Variants in STXBP5L observed in about 807,000 individuals in gnomAD.
STXBP5L encodes syntaxin-binding protein 5-like.
In STXBP5L, 65 loss-of-function variants were observed where a neutral mutation model predicts 144.5. The ratio of observed to expected loss-of-function variants is 0.45; its 90% CI spans 0.37 to 0.55. STXBP5L has a LOEUF of 0.55. Ranked by LOEUF, STXBP5L falls within the 20% of genes least tolerant of loss-of-function variation. The pLI is 0.00. For missense variants in STXBP5L, 1,298 were observed against 1,405.5 expected, an observed-to-expected ratio of 0.92 and a Z score of 1.22; for synonymous variants, 505 against 469.6, an observed-to-expected ratio of 1.08 and a Z score of -0.97.
chr3:121,407,315 C>G lies in STXBP5L; in HGVS notation c.2660C>G (p.Pro887Arg). 1 of 1,611,888 alleles carries G rather than the reference C, an allele frequency of 6.2e-7. No individual in the cohort carries two copies. Among genetic ancestry groups the G allele is most frequent in the Non-Finnish European group, 8.5e-7 (1 of 1,178,918 alleles). ...CMDRMGGLMQPPYEVWRDPNN... is the reference protein window; with the variant it reads ...CMDRMGGLMQRPYEVWRDPNN... Reference sequence around the variant, plus strand: ...GACCGAATGGGTGGATTAATGCAACCGCCATATGAAGTTTGGAGGGATCCA... The same window carrying G: ...GACCGAATGGGTGGATTAATGCAACGGCCATATGAAGTTTGGAGGGATCCA... The change falls in exon 23 of 27, where the codon CCG becomes CGG. Residue 887 changes from proline (P) to arginine (R), a missense_variant. Coordinates refer to ENST00000471454, the MANE Select transcript of STXBP5L (RefSeq NM_001308330.2).
chr3:121,181,533 AG>A (rs1347424071), intron 9 of STXBP5L, among the ~76,000 whole-genome samples: 1 of 152,206 alleles, frequency 6.6e-6, no homozygotes, highest in Non-Finnish European at 1.5e-5. Context: ...CAGGAGTTCA[AG>A]ACCAACCTGG....
intron 7 of STXBP5L, among the ~76,000 whole-genome samples, chr3:121,127,554 C>T (rs888238345): frequency 2.0e-5 from 3 of 151,608 alleles, no homozygotes; most frequent in African/African-American, 7.3e-5. Context: ...ATGTCTTCTC[C>T]TCTTTTTATA....
chr3:121,015,976 A>C (rs1457893905), intron 3 of STXBP5L, among the ~76,000 whole-genome samples: 1 of 152,206 alleles, frequency 6.6e-6, no homozygotes, highest in Non-Finnish European at 1.5e-5. Context: ...ACCAGTCTTC[A>C]TATAATAACA....
chr3:121,222,943 C>T, intron 10 of STXBP5L, 60 bp from the exon 11 acceptor site: 1 of 1,529,022 alleles, frequency 6.5e-7, no homozygotes, highest in South Asian at 1.3e-5. Context: ...AGGTTCAGTC[C>T]TGTGACTTTG....
intron 3 of STXBP5L, among the ~76,000 whole-genome samples, chr3:121,037,746 C>T (rs1280278828): frequency 1.3e-5 from 2 of 151,872 alleles, no homozygotes; most frequent in Admixed American, 6.6e-5. Flanking sequence ...TTATTTTTTC[C>T]TCTAAATGTG....
intron 3 of STXBP5L, among the ~76,000 whole-genome samples, chr3:121,022,050 A>G (rs115583904): frequency 0.036 from 5,410 of 152,240 alleles, 146 homozygotes; most frequent in Middle Eastern, 0.082. Context: ...AAGAGAGAAG[A>G]TCCAAATAAA....
intron 3 of STXBP5L, among the ~76,000 whole-genome samples, chr3:120,979,173 G>A (rs1220584603): frequency 6.6e-6 from 1 of 152,226 alleles, no homozygotes; most frequent in Non-Finnish European, 1.5e-5. Flanking sequence ...AGGCAGGCAG[G>A]CCTCCTTGAG....
At chr3:121,339,634 C>T (rs1011942000) in intron 20 of STXBP5L, among the ~76,000 whole-genome samples, 10 of 151,888 alleles carry the variant, frequency 6.6e-5, no homozygotes, top group East Asian at 3.9e-4. Flanking sequence ...TATTTGCCGA[C>T]GATATGATTG....
intron 5 of STXBP5L, among the ~76,000 whole-genome samples, chr3:121,060,154 C>T (rs2041194184): frequency 6.6e-6 from 1 of 152,102 alleles, no homozygotes; most frequent in South Asian, 2.1e-4. Flanking sequence ...CCATCAGTAC[C>T]TAGTTTACTG....
chr3:121,369,216 C>T (rs78093886), intron 20 of STXBP5L, among the ~76,000 whole-genome samples: 18,193 of 152,090 alleles, frequency 0.12, 1,148 homozygotes, highest in Non-Finnish European at 0.14. Context: ...TAAGCCTTCC[C>T]CTGAAAGTTG....
intron 20 of STXBP5L, among the ~76,000 whole-genome samples, chr3:121,360,974 A>G (rs1215999171): frequency 6.6e-6 from 1 of 151,998 alleles, no homozygotes; most frequent in Non-Finnish European, 1.5e-5. Context: ...TGTAGGATGG[A>G]TCTGGTATTG....
chr3:121,245,779 A>G (rs940609522), intron 14 of STXBP5L, among the ~76,000 whole-genome samples: 1 of 152,216 alleles, frequency 6.6e-6, no homozygotes, highest in Non-Finnish European at 1.5e-5. Context: ...ACAGAGCATC[A>G]AAATATATGA....
intron 22 of STXBP5L, among the ~76,000 whole-genome samples, chr3:121,400,254 T>C (rs6766105): frequency 0.32 from 48,669 of 152,090 alleles, 8,702 homozygotes; most frequent in East Asian, 0.73. Context: ...CTTAGTTTGT[T>C]GGGAGAGAGG....
chr3:120,988,702 G>A (rs1174866970), intron 3 of STXBP5L, among the ~76,000 whole-genome samples: 1 of 152,026 alleles, frequency 6.6e-6, no homozygotes, highest in African/African-American at 2.4e-5. Context: ...GGGTACAAGT[G>A]CAGTTTTGTT....
intron 3 of STXBP5L, among the ~76,000 whole-genome samples, chr3:120,971,953 A>G (rs904300646): frequency 1.3e-5 from 2 of 152,026 alleles, no homozygotes; most frequent in Non-Finnish European, 2.9e-5. Context: ...GATTGATTCC[A>G]TGACTTTGCT....
intron 3 of STXBP5L, among the ~76,000 whole-genome samples, chr3:121,013,751 C>T (rs536298500): frequency 6.6e-6 from 1 of 151,862 alleles, no homozygotes; most frequent in East Asian, 1.9e-4. Flanking sequence ...CCTAGATTTT[C>T]TTCTAAGATT....
chr3:121,078,231 T>C (rs371662844), intron 5 of STXBP5L, among the ~76,000 whole-genome samples: 2 of 151,890 alleles, frequency 1.3e-5, no homozygotes, highest in Non-Finnish European at 2.9e-5. Context: ...AGAGTGCTGA[T>C]TGGTGTATTT....
At chr3:121,358,634 A>G (rs1051721397) in intron 20 of STXBP5L, among the ~76,000 whole-genome samples, 2 of 152,170 alleles carry the variant, frequency 1.3e-5, no homozygotes, top group African/African-American at 4.8e-5. Flanking sequence ...ACACTTCAAC[A>G]TGAGATTTGG....
intron 20 of STXBP5L, among the ~76,000 whole-genome samples, chr3:121,338,015 G>A (rs2044567601): frequency 6.6e-6 from 1 of 152,016 alleles, no homozygotes; most frequent in African/African-American, 2.4e-5. Flanking sequence ...AATGATAATA[G>A]TTACACAAGT....
Sources: allele counts gnomAD v4.1 joint callset (sites outside exome capture counted in the v4.1 genomes callset), GRCh38; gene constraint gnomAD v4.1.1; transcripts MANE v1.5; gene names NCBI Gene and HGNC (gene_info 2026-07-23, HGNC 2026-07-21).